The following RAPGEF6 variants were observed in gnomAD, a reference collection of about 807,000 sequenced individuals.
RAPGEF6 encodes the protein Rap guanine nucleotide exchange factor 6.
In RAPGEF6, 56 loss-of-function variants were observed where a neutral mutation model predicts 171.4. The ratio of observed to expected loss-of-function variants is 0.33; its 90% CI spans 0.26 to 0.41. RAPGEF6 has a LOEUF of 0.41. Ranked by LOEUF, RAPGEF6 falls within the 10% of genes least tolerant of loss-of-function variation. The pLI is 1.00. For synonymous variants in RAPGEF6, 692 were observed against 650.1 expected (o/e 1.06, Z -0.98); for missense variants, 1,674 against 1,921.4 (o/e 0.87, Z 2.41).
intron 23 of RAPGEF6, 47 bp from the exon 24 acceptor site, chr5:131,439,762 A>T: frequency 6.3e-7 from 1 of 1,596,340 alleles, no homozygotes; most frequent in Non-Finnish European, 8.5e-7. Context: ...TCACAATTAA[A>T]ATGTCTATAG....
intron 11 of RAPGEF6, among the ~76,000 whole-genome samples, chr5:131,503,747 G>A (rs1342722392): frequency 6.6e-6 from 1 of 152,192 alleles, no homozygotes; most frequent in Non-Finnish European, 1.5e-5. Context: ...GAGGTGAGAA[G>A]GCAAGTATTA....
At position 131,561,993 on chromosome 5, in the gene RAPGEF6, A is replaced by C; in HGVS notation, c.336T>G (p.Pro112=). The C allele has an allele frequency of 1.9e-6, 3 of 1,595,032 alleles. No homozygotes were observed. In the East Asian group the frequency reaches 6.8e-5, roughly 36 times the overall value. ...KRGCDCLVLE[P]SEMIVVENAK... ...AAGTTCTTACCACAATCATTTCTGA[A>C]GGCTCTAATACAAGACAATCACATC... The change falls in exon 5 of 28, where the codon CCT becomes CCG. Residue 112 remains proline, a synonymous_variant. Coordinates refer to ENST00000509018, the MANE Select transcript of RAPGEF6 (RefSeq NM_016340.6).
chr5:131,425,620 G>A lies in RAPGEF6; in HGVS notation c.*1646C>T, dbSNP rs1181079358. The A allele has an allele frequency of 6.6e-6, 1 of 152,246 alleles. No individual in the cohort carries two copies. The highest frequency in any genetic ancestry group is 1.5e-5 in the Non-Finnish European group (1 of 68,022). 9.4% of individuals were successfully genotyped at this position (152,246 alleles called of 1,614,324 possible). A position where few individuals can be genotyped will look rare whatever the true frequency, so the allele number is the denominator to read the frequency against. ...TCTTTACCACAGGAATTTTTGAAAT[G>A]CTATTATTCCTAAAATAAAGAGACA... On this transcript the variant is annotated 3_prime_UTR_variant, in exon 28 of 28. Coordinates refer to ENST00000509018, the MANE Select transcript of RAPGEF6 (RefSeq NM_016340.6).
chr5:131,624,781 T>C (rs943892098), intron 1 of RAPGEF6, among the ~76,000 whole-genome samples: 1 of 152,240 alleles, frequency 6.6e-6, no homozygotes, highest in Non-Finnish European at 1.5e-5. Context: ...ATATTCTTTA[T>C]CTGTATTCTG....
chr5:131,480,973 C>G (rs374982192), intron 15 of RAPGEF6, among the ~76,000 whole-genome samples: 1 of 150,864 alleles, frequency 6.6e-6, no homozygotes, highest in African/African-American at 2.4e-5. Flanking sequence ...CTCTTGTTGT[C>G]CAGGCTGGAG....
intron 22 of RAPGEF6, among the ~76,000 whole-genome samples, chr5:131,445,459 A>G (rs940809441): frequency 6.8e-6 from 1 of 146,448 alleles, no homozygotes; most frequent in Non-Finnish European, 1.5e-5. Flanking sequence ...ATAAAATTCT[A>G]TTTCAATTTT....
At chr5:131,518,859 T>A (rs760061355) in intron 7 of RAPGEF6, among the ~76,000 whole-genome samples, 6 of 152,228 alleles carry the variant, frequency 3.9e-5, no homozygotes, top group Non-Finnish European at 7.3e-5. Context: ...ATTCCTTTTA[T>A]CTTTTCATGC....
Position 131,492,603 on chromosome 5 carries a change from T to G in RAPGEF6, c.1710A>C (p.Ser570=). Residue 570 remains serine (S), a synonymous_variant, in exon 14 of 28, where the codon TCA becomes TCC. Coordinates refer to ENST00000509018, the MANE Select transcript of RAPGEF6 (RefSeq NM_016340.6). ...TTACCTGATCACCACGTTTCAGTCC[T>G]GAATCAGCAGCTTTGCTACCAGGTT... ...GVEPGSKAAD[S]GLKRGDQIME... is the part of the protein sequence containing the mutation. 2 of 1,614,202 alleles carry G rather than the reference T, an allele frequency of 1.2e-6. No individual in the cohort carries two copies. The highest frequency in any genetic ancestry group is 1.7e-6 in the Non-Finnish European group (2 of 1,180,038).
chr5:131,430,880 T>C lies in RAPGEF6; in HGVS notation c.4444A>G (p.Ser1482Gly). Residue 1482 changes from serine to glycine, a missense_variant, in exon 26 of 28, where the codon AGT becomes GGT. By Grantham distance (56) the Ser-to-Gly change is moderately conservative. Around this residue, in one of 3 missense-constraint regions of RAPGEF6, gnomAD observed 552 missense variants for 574.2 expected, o/e 0.96. Coordinates refer to ENST00000509018, the MANE Select transcript of RAPGEF6 (RefSeq NM_016340.6). ...TTACCAATCAAGCCCTTTTCTGTAC[T>C]TGAAGTGACAGTTTTATAAACTGGG... Reference protein sequence around the residue: ...TDPVYKTVTSSTEKGLIVYCV... With the variant: ...TDPVYKTVTSGTEKGLIVYCV... 6.2e-7 allele frequency: 1 copy of C among 1,605,508 alleles called. No homozygotes were observed. The highest frequency in any genetic ancestry group is 8.5e-7 in the Non-Finnish European group (1 of 1,177,046).
At position 131,430,946 on chromosome 5, in the gene RAPGEF6, C is replaced by G. The variant is rs144316522; in HGVS notation, c.4378G>C (p.Ala1460Pro). The change falls in exon 26 of 28, where the codon GCT becomes CCT. Residue 1460 changes from alanine (A) to proline (P), a missense_variant. Physicochemically the swap from Ala to Pro is conservative, Grantham distance 27. Coordinates refer to ENST00000509018, the MANE Select transcript of RAPGEF6 (RefSeq NM_016340.6). ...GGGTCCAAGCCTTCAGATGACTCAGCTGGGGTGCTCTCCAATACTCTCTGT... is the reference window on the plus strand; with the variant it reads ...GGGTCCAAGCCTTCAGATGACTCAGGTGGGGTGCTCTCCAATACTCTCTGT... ...VKQRVLESTP[A>P]ESSEGLDPKD... 66 of 1,614,030 alleles carry G rather than the reference C, an allele frequency of 4.1e-5. No individual in the cohort carries two copies. Among genetic ancestry groups the G allele is most frequent in the Non-Finnish European group, 5.5e-5 (65 of 1,180,010 alleles).
At chr5:131,505,720 T>C (rs1757331723) in intron 9 of RAPGEF6, among the ~76,000 whole-genome samples, 198 bp from the exon 10 acceptor site, 1 of 152,184 alleles carries the variant, frequency 6.6e-6, no homozygotes, top group East Asian at 1.9e-4. Flanking sequence ...CTTTCTTCTT[T>C]TAGTCACCAA....
At chr5:131,633,398 T>C (rs569523377) in intron 1 of RAPGEF6, among the ~76,000 whole-genome samples, 1 of 152,252 alleles carries the variant, frequency 6.6e-6, no homozygotes, top group South Asian at 2.1e-4. Context: ...GTAGGATTTT[T>C]CCATTAAAAT....
chr5:131,458,068 C>T (rs1022355243), intron 19 of RAPGEF6, among the ~76,000 whole-genome samples: 3 of 151,970 alleles, frequency 2.0e-5, no homozygotes, highest in African/African-American at 7.3e-5. Flanking sequence ...TATAAGGATC[C>T]CATTCACAAC....
chr5:131,432,613 T>C (rs920702826), intron 25 of RAPGEF6, among the ~76,000 whole-genome samples: 6 of 151,814 alleles, frequency 4.0e-5, no homozygotes, highest in African/African-American at 1.2e-4. Flanking sequence ...AGTGACACTC[T>C]GTCTCACAGA....
intron 1 of RAPGEF6, among the ~76,000 whole-genome samples, chr5:131,633,557 C>A (rs1460764124): frequency 7.2e-5 from 11 of 151,950 alleles, no homozygotes; most frequent in Non-Finnish European, 1.5e-5. Flanking sequence ...TGGTGCAACC[C>A]CGTCTCTACT....
At chr5:131,528,854 T>C (rs1759170177) in intron 6 of RAPGEF6, among the ~76,000 whole-genome samples, 1 of 152,126 alleles carries the variant, frequency 6.6e-6, no homozygotes. Context: ...AGAAAGTCTG[T>C]CAAGGAGGAA....
At chr5:131,490,602 T>C (rs1318772215) in intron 14 of RAPGEF6, among the ~76,000 whole-genome samples, 1 of 152,202 alleles carries the variant, frequency 6.6e-6, no homozygotes, top group African/African-American at 2.4e-5. Flanking sequence ...TGGACTTCTC[T>C]TGGGCAACAT....
At chr5:131,458,728 A>G (rs2149831462) in intron 19 of RAPGEF6, among the ~76,000 whole-genome samples, 1 of 152,306 alleles carries the variant, frequency 6.6e-6, no homozygotes. Flanking sequence ...ATCTTGGCTT[A>G]CTGCAACCTC....
At chr5:131,604,721 TA>T in intron 1 of RAPGEF6, 28 bp from the exon 2 acceptor site, 1 of 1,581,714 alleles carries the variant, frequency 6.3e-7, no homozygotes, top group South Asian at 1.2e-5. Context: ...AAAATTAGAT[TA>T]TTTTTCAAAT....
Sources: allele counts gnomAD v4.1 joint callset (sites outside exome capture counted in the v4.1 genomes callset), GRCh38; gene constraint gnomAD v4.1.1; regional missense constraint gnomAD v4.1.1; transcripts MANE v1.5; gene names NCBI Gene and HGNC (gene_info 2026-07-23, HGNC 2026-07-21).